The following PRKN variants were observed in gnomAD, a reference collection of about 807,000 sequenced individuals.
The protein encoded by PRKN is parkin RBR E3 ubiquitin protein ligase.
PRKN carries 56 observed loss-of-function variants against 59.5 expected under a neutral mutation model. The observed-to-expected ratio is 0.94, with a 90% CI of 0.76 to 1.18. The LOEUF is 1.18. PRKN is among the 50% of genes most tolerant of loss of function. PRKN has a pLI of 0.00. For synonymous variants in PRKN, 250 were observed against 222.1 expected, an observed-to-expected ratio of 1.13 and a Z score of -1.12; for missense variants, 657 against 596.4, an observed-to-expected ratio of 1.10 and a Z score of -1.06.
At chr6:162,315,876 C>T (rs1184566809) in intron 2 of PRKN, among the ~76,000 whole-genome samples, 1 of 152,162 alleles carries the variant, frequency 6.6e-6, no homozygotes, top group African/African-American at 2.4e-5. Flanking sequence ...AAGTATCTTA[C>T]TTTTCAATAA....
At chr6:162,504,986 G>T (rs955766879) in intron 1 of PRKN, among the ~76,000 whole-genome samples, 2 of 152,154 alleles carry the variant, frequency 1.3e-5, no homozygotes, top group African/African-American at 2.4e-5. Flanking sequence ...ACATGGCAAG[G>T]CTGCCCCATC....
chr6:161,939,522 G>A (rs559605727), intron 6 of PRKN, among the ~76,000 whole-genome samples: 14 of 150,746 alleles, frequency 9.3e-5, no homozygotes, highest in African/African-American at 2.7e-4. Context: ...ACTTAAGGTC[G>A]GGAGTTCAAG....
chr6:162,516,526 C>A (rs1056308712), intron 1 of PRKN, among the ~76,000 whole-genome samples: 2 of 152,058 alleles, frequency 1.3e-5, no homozygotes, highest in African/African-American at 4.8e-5. Context: ...CCGAGGTGGG[C>A]GGATCACTTG....
chr6:162,493,240 G>T (rs998396939), intron 1 of PRKN, among the ~76,000 whole-genome samples: 1 of 152,178 alleles, frequency 6.6e-6, no homozygotes, highest in African/African-American at 2.4e-5. Context: ...ATGGAAAAGG[G>T]AGAACTGCGA....
At chr6:161,730,860 A>G (rs1158329594) in intron 7 of PRKN, among the ~76,000 whole-genome samples, 3 of 106,110 alleles carry the variant, frequency 2.8e-5, no homozygotes, top group African/African-American at 1.1e-4. Context: ...TGCATTCTGA[A>G]GTGTTGCATT....
chr6:161,548,878 T>C lies in PRKN; in HGVS notation c.1059A>G (p.Glu353=), dbSNP rs1779889203. 6.2e-7 allele frequency: 1 copy of C among 1,614,048 alleles called. No homozygotes were observed. The highest frequency in any genetic ancestry group is 8.5e-7 in the Non-Finnish European group (1 of 1,180,030). The part of the protein sequence containing the change: ...PEPDQRKVTC[E]GGNGLGCGFA... ...CCCCACAGCCCAGGCCATTGCCCCC[T>C]TCGCAGGTGACTTTCCTCTGGTCAG... Residue 353 remains glutamate (E), a synonymous_variant, in exon 9 of 12, where the codon GAA becomes GAG. Transcript: ENST00000366898. This position sits in a 1 kb window ranked among gnomAD's most constrained non-coding sequence, Gnocchi z 4.2.
At chr6:162,661,183 C>A (rs897218520) in intron 1 of PRKN, among the ~76,000 whole-genome samples, 1 of 152,008 alleles carries the variant, frequency 6.6e-6, no homozygotes, top group Admixed American at 6.6e-5. Flanking sequence ...ATGGCTTGAA[C>A]TCAGGAGGCA....
intron 3 of PRKN, among the ~76,000 whole-genome samples, chr6:162,258,039 G>A (rs1779723853): frequency 6.6e-6 from 1 of 152,124 alleles, no homozygotes; most frequent in African/African-American, 2.4e-5. Flanking sequence ...GGGCCTGCCT[G>A]GGGCTCACGA....
At chr6:162,722,922 T>C (rs974742222) in intron 1 of PRKN, among the ~76,000 whole-genome samples, 1 of 152,182 alleles carries the variant, frequency 6.6e-6, no homozygotes, top group African/African-American at 2.4e-5. Flanking sequence ...TGCAAAACTT[T>C]AGTAGAGCCT....
At chr6:161,878,018 C>T (rs1290172517) in intron 6 of PRKN, among the ~76,000 whole-genome samples, 2 of 152,078 alleles carry the variant, frequency 1.3e-5, no homozygotes, top group Non-Finnish European at 2.9e-5. Flanking sequence ...GAGGTGTTCT[C>T]TTGAAGGGTG....
intron 2 of PRKN, among the ~76,000 whole-genome samples, chr6:162,297,555 CAAA>C (rs1474098277): frequency 1.3e-5 from 2 of 151,972 alleles, no homozygotes; most frequent in Non-Finnish European, 2.9e-5. Context: ...TGTAATAACA[CAAA>C]GAAATTATTG....
intron 6 of PRKN, among the ~76,000 whole-genome samples, chr6:161,900,001 T>C (rs1200877565): frequency 6.6e-6 from 1 of 151,834 alleles, no homozygotes; most frequent in Non-Finnish European, 1.5e-5. Context: ...TCCCAGCTAC[T>C]CGGGAGGCTG....
intron 2 of PRKN, among the ~76,000 whole-genome samples, chr6:162,330,257 T>C (rs571198397): frequency 6.6e-6 from 1 of 152,216 alleles, no homozygotes; most frequent in East Asian, 1.9e-4. Context: ...GGTCTCTGCA[T>C]TTTTTCTTGG....
chr6:162,236,877 GGAGA>G (rs147351984), intron 3 of PRKN, among the ~76,000 whole-genome samples: 5 of 149,130 alleles, frequency 3.4e-5, no homozygotes, highest in East Asian at 2.0e-4. Context: ...AGAAAGAATG[GGAGA>G]GAGAGAGAGA....
intron 1 of PRKN, among the ~76,000 whole-genome samples, chr6:162,480,739 AAAG>A (rs1418210230): frequency 1.3e-5 from 2 of 152,152 alleles, no homozygotes; most frequent in Non-Finnish European, 2.9e-5. Context: ...ACCAAGTCAT[AAAG>A]AAGAAGTCAA....
In PRKN at chr6:162,602,083, TG is replaced by T. The variant is rs553727589; in HGVS notation, c.7+125578del. On this transcript the variant is annotated intron_variant, in intron 1 of 11. Transcript: ENST00000366898. ...CAGCAGGCAGTCACATACATCCCCATGTCATAAATGCTAGGACGGGTATCCC... is the reference window on the plus strand; with the variant it reads ...CAGCAGGCAGTCACATACATCCCCATTCATAAATGCTAGGACGGGTATCCC... Among the ~76,000 whole-genome samples the T allele has an allele frequency of 1.1e-4, 17 of 152,296 alleles. No individual in the cohort carries two copies. The East Asian group carries it at 2.9e-3, about 26-fold the overall frequency.
At chr6:161,775,079 C>T (rs541392493) in intron 7 of PRKN, among the ~76,000 whole-genome samples, 1 of 152,060 alleles carries the variant, frequency 6.6e-6, no homozygotes, top group Non-Finnish European at 1.5e-5. Context: ...GGCAGGCAAA[C>T]AGACAGGCAG....
chr6:161,682,900 G>C (rs577309207), intron 7 of PRKN, among the ~76,000 whole-genome samples: 2 of 152,174 alleles, frequency 1.3e-5, no homozygotes, highest in African/African-American at 4.8e-5. Context: ...CAGTTACCTC[G>C]GTGGCCCAAT....
intron 2 of PRKN, among the ~76,000 whole-genome samples, chr6:162,363,286 T>A (rs1044986539): frequency 1.3e-5 from 2 of 152,160 alleles, no homozygotes; most frequent in African/African-American, 4.8e-5. Flanking sequence ...AAAGCCCCTC[T>A]TTGAAAATCT....
Sources: allele counts gnomAD v4.1 joint callset (sites outside exome capture counted in the v4.1 genomes callset), GRCh38; gene constraint gnomAD v4.1.1; non-coding constraint Gnocchi (gnomAD v3.1); transcripts MANE v1.5; gene names NCBI Gene and HGNC (gene_info 2026-07-23, HGNC 2026-07-21).